The following SLC26A9 variants were observed in gnomAD, a reference collection of about 807,000 sequenced individuals.
The protein encoded by SLC26A9 is solute carrier family 26 member 9.
A neutral mutation model predicts 87.1 loss-of-function variants in SLC26A9; 46 were observed. That is an observed-to-expected ratio of 0.53 (90% CI 0.42 to 0.67). SLC26A9 has a LOEUF of 0.67. SLC26A9 is among the 30% of genes least tolerant of loss of function. The pLI, the probability that SLC26A9 is intolerant of heterozygous loss-of-function variation, is 0.00. For synonymous variants in SLC26A9, 437 were observed against 409.1 expected (o/e 1.07, Z -0.82); for missense variants, 927 against 1,018.3 (o/e 0.91, Z 1.22).
chr1:205,920,055 C>T, intron 18 of SLC26A9, 121 bp downstream of exon 18: 3 of 1,096,920 alleles, frequency 2.7e-6, no homozygotes, highest in South Asian at 2.7e-5. Flanking sequence ...CAGGCAGCAG[C>T]TTGTGGGGGA....
At chr1:205,926,389 G>A (rs1479757024) in intron 12 of SLC26A9, 146 bp downstream of exon 12, 16 of 684,604 alleles carry the variant, frequency 2.3e-5, no homozygotes, top group African/African-American at 1.8e-4. Flanking sequence ...GTTTCACTTC[G>A]AAACTCGGAC....
At position 205,932,694 on chromosome 1, in the gene SLC26A9, G is replaced by T; in HGVS notation, c.376+8C>A. The T allele has an allele frequency of 1.9e-6, 3 of 1,553,022 alleles. No homozygotes were observed. Among genetic ancestry groups the T allele is most frequent in the Non-Finnish European group, 2.6e-6 (3 of 1,152,132 alleles). On this transcript the variant is annotated splice_region_variant and intron_variant, in intron 4 of 20. Coordinates refer to ENST00000367135, the MANE Select transcript of SLC26A9 (RefSeq NM_052934.4). ...TCATCCTGCCTGCCCAGAGGGGAGA[G>T]GCCTTACCTGGCACCATCTGGTGAA... is the stretch of plus-strand genomic sequence containing the variant.
At chr1:205,917,257 C>T in intron 20 of SLC26A9, 26 bp downstream of exon 20, 2 of 1,613,546 alleles carry the variant, frequency 1.2e-6, no homozygotes, top group South Asian at 2.2e-5. Flanking sequence ...CTGCTCCCAC[C>T]CTCACAGCCC....
At chr1:205,924,305 G>T in intron 13 of SLC26A9, 78 bp downstream of exon 13, 1 of 1,373,162 alleles carries the variant, frequency 7.3e-7, no homozygotes. Context: ...GACTAAGCCA[G>T]GCCGTGGCAT....
In SLC26A9 at chr1:205,915,117, G is replaced by A. The variant is rs754187839; in HGVS notation, c.*240C>T. The A allele has an allele frequency of 6.2e-7, 1 of 1,613,918 alleles. No homozygotes were observed. The highest frequency in any genetic ancestry group is 8.5e-7 in the Non-Finnish European group (1 of 1,179,874). ...CCATTGCGGCCAGGGCCTGACGGGT[G>A]AAGAGTGGGCTCACCAGACTCTCAC... On this transcript the variant is annotated 3_prime_UTR_variant, in exon 21 of 21. Coordinates refer to ENST00000367135, the MANE Select transcript of SLC26A9 (RefSeq NM_052934.4).
Position 205,929,912 on chromosome 1 carries a change from C to T in SLC26A9, c.697G>A (p.Gly233Ser). 6.2e-7 allele frequency: 1 copy of T among 1,604,746 alleles called. No individual in the cohort carries two copies. The highest frequency in any genetic ancestry group is 8.5e-7 in the Non-Finnish European group (1 of 1,172,140). Residue 233 changes from glycine to serine, a missense_variant, in exon 6 of 21, where the codon GGC becomes AGC. Transcript: ENST00000367135. ...CTCACAAAGACGATGGACCCTGGGCCTGTGTAGGAGGGGATGGTCAGTCCG... is the reference window on the plus strand; with the variant it reads ...CTCACAAAGACGATGGACCCTGGGCTTGTGTAGGAGGGGATGGTCAGTCCG... ...IFGLTIPSYT[G>S]PGSIVFTFID...
At position 205,942,441 on chromosome 1, in the gene SLC26A9, G is replaced by C. The variant is rs556088762; in HGVS notation, c.-19+924C>G. 3.9e-5 allele frequency among the ~76,000 whole-genome samples: 6 copies of C among 152,314 alleles called. No individual in the cohort carries two copies. In the East Asian group the frequency reaches 7.7e-4, roughly 20 times the overall value. On this transcript the variant is annotated intron_variant, in intron 1 of 20. Coordinates refer to ENST00000367135, the MANE Select transcript of SLC26A9 (RefSeq NM_052934.4). The stretch of plus-strand genomic sequence containing the variant: ...AGCCCTCTCTCAGTCTGCCCACTTG[G>C]GGGGCTGCGTCACTCCAGGGTCTTC...
In SLC26A9 at chr1:205,914,751, G is replaced by T; in HGVS notation, c.*606C>A. On this transcript the variant is annotated 3_prime_UTR_variant, in exon 21 of 21. Transcript: ENST00000367135. ...AGCAGTGGTGGTTTGGGCAGCCTTG[G>T]GGATGATGGAGGGGGGGCGCATAGT... 1 of 1,071,048 alleles carries T rather than the reference G, an allele frequency of 9.3e-7. No homozygotes were observed. The highest frequency in any genetic ancestry group is 1.3e-6 in the Non-Finnish European group (1 of 745,006). The allele number at this position is 1,071,048 out of a possible 1,614,324, so 66.3% of individuals were successfully genotyped here.
intron 12 of SLC26A9, 147 bp downstream of exon 12, chr1:205,926,388 C>G: frequency 1.5e-6 from 1 of 678,264 alleles, no homozygotes. Flanking sequence ...TGTTTCACTT[C>G]GAAACTCGGA....
At chr1:205,922,774 C>T (rs1005917157) in intron 16 of SLC26A9, among the ~76,000 whole-genome samples, 4 of 152,142 alleles carry the variant, frequency 2.6e-5, no homozygotes, top group African/African-American at 7.2e-5. Context: ...GTGGTGGCAC[C>T]TGTAATCTCA....
At chr1:205,928,126 G>A in intron 8 of SLC26A9, 77 bp from the exon 9 acceptor site, 1 of 1,530,614 alleles carries the variant, frequency 6.5e-7, no homozygotes, top group Non-Finnish European at 8.8e-7. Context: ...CCAGCCCACA[G>A]GGACCAGCCA....
At chr1:205,924,603 CTCTTT>C in intron 12 of SLC26A9, 114 bp from the exon 13 acceptor site, 1 of 816,136 alleles carries the variant, frequency 1.2e-6, no homozygotes, top group Non-Finnish European at 1.9e-6. Flanking sequence ...AGCCTCTCTT[CTCTTT>C]TTTTTCTTTA....
intron 8 of SLC26A9, chr1:205,928,264 A>C: frequency 1.6e-6 from 1 of 621,782 alleles, no homozygotes; most frequent in Non-Finnish European, 2.7e-6. Context: ...GAGAGAACCT[A>C]ACTTGCCCAA....
chr1:205,939,945 C>T (rs575958104), intron 1 of SLC26A9, among the ~76,000 whole-genome samples: 37 of 152,168 alleles, frequency 2.4e-4, no homozygotes, highest in Non-Finnish European at 3.5e-4. Flanking sequence ...TGCCTTCCAT[C>T]CCCCTACCGG....
At chr1:205,920,663 C>T (rs1658790424) in intron 17 of SLC26A9, among the ~76,000 whole-genome samples, 1 of 152,180 alleles carries the variant, frequency 6.6e-6, no homozygotes, top group Non-Finnish European at 1.5e-5. Flanking sequence ...CCACACCTGG[C>T]TAATTTTTGT....
At position 205,928,832 on chromosome 1, in the gene SLC26A9, T is replaced by C. The variant is rs751823381; in HGVS notation, c.948A>G (p.Gln316=). 8 of 1,614,112 alleles carry C rather than the reference T, an allele frequency of 5.0e-6. No homozygotes were observed. The highest frequency in any genetic ancestry group is 1.6e-4 in the Middle Eastern group (1 of 6,062). Residue 316 remains glutamine, a synonymous_variant, in exon 8 of 21, where the codon CAA becomes CAG. Coordinates refer to ENST00000367135, the MANE Select transcript of SLC26A9 (RefSeq NM_052934.4). ...TCTGGGCCACCTGGACTCACCCGCG[T>C]TGGATTTCTCCCACGATCTGCATGT... is the stretch of plus-strand genomic sequence containing the variant. ...KYHMQIVGEI[Q]RGFPTPVSPV...
At position 205,915,110 on chromosome 1, in the gene SLC26A9, G is replaced by T; in HGVS notation, c.*247C>A. 6.2e-7 allele frequency: 1 copy of T among 1,614,026 alleles called. No homozygotes were observed. Among genetic ancestry groups the T allele is most frequent in the Non-Finnish European group, 8.5e-7 (1 of 1,179,930 alleles). ...GGCTTGTCCATTGCGGCCAGGGCCT[G>T]ACGGGTGAAGAGTGGGCTCACCAGA... On this transcript the variant is annotated 3_prime_UTR_variant, in exon 21 of 21. Transcript: ENST00000367135.
intron 17 of SLC26A9, among the ~76,000 whole-genome samples, chr1:205,920,798 G>A (rs996524773): frequency 2.0e-5 from 3 of 152,210 alleles, no homozygotes; most frequent in Non-Finnish European, 4.4e-5. Flanking sequence ...ACGCCCGGCT[G>A]ATCTTTTCTT....
rs1275363667 is a variant in SLC26A9 at position 205,928,015 on chromosome 1, A to G, written c.988T>C (p.Trp330Arg). The G allele has an allele frequency of 6.2e-7, 1 of 1,613,772 alleles. No individual in the cohort carries two copies. The highest frequency in any genetic ancestry group is 8.5e-7 in the Non-Finnish European group (1 of 1,179,928). ...PTPVSPVVSQ[W>R]KDMIGTAFSL... ...AAGGCTGTGCCTATCATGTCCTTCC[A>G]CTGTGAGACCACAGGCGACACCGGG... The change falls in exon 9 of 21, where the codon TGG (tryptophan) becomes CGG (arginine). Residue 330 changes from tryptophan to arginine, a missense_variant. Trp to Arg is a moderately radical substitution (Grantham distance 101, BLOSUM62 -3). Coordinates refer to ENST00000367135, the MANE Select transcript of SLC26A9 (RefSeq NM_052934.4).
Sources: allele counts gnomAD v4.1 joint callset (sites outside exome capture counted in the v4.1 genomes callset), GRCh38; gene constraint gnomAD v4.1.1; transcripts MANE v1.5; gene names NCBI Gene and HGNC (gene_info 2026-07-23, HGNC 2026-07-21).